The following BICDL1 variants were observed in gnomAD, a reference collection of about 807,000 sequenced individuals.
BICDL1 encodes the protein BICD family-like cargo adapter 1.
In BICDL1, 20 loss-of-function variants were observed where a neutral mutation model predicts 76.8. That is an observed-to-expected ratio of 0.26 (90% confidence interval 0.18 to 0.38). The LOEUF is 0.38. Ranked by LOEUF, BICDL1 falls within the 10% of genes least tolerant of loss-of-function variation. The probability of loss-of-function intolerance (pLI) is 1.00; values close to 1 mark genes in which losing one functional copy is unlikely to be tolerated. For synonymous variants in BICDL1, 383 were observed against 337.1 expected (o/e 1.14, Z -1.49); for missense variants, 700 against 798.6 (o/e 0.88, Z 1.49).
intron 2 of BICDL1, among the ~76,000 whole-genome samples, chr12:120,053,069 C>T (rs1373697871): frequency 6.6e-6 from 1 of 152,010 alleles, no homozygotes; most frequent in Non-Finnish European, 1.5e-5. Context: ...CGTGAGCTAC[C>T]ACAGCCAGCC....
chr12:120,051,054 C>T (rs1006035067), intron 2 of BICDL1, among the ~76,000 whole-genome samples: 2 of 151,576 alleles, frequency 1.3e-5, no homozygotes, highest in Non-Finnish European at 2.9e-5. Flanking sequence ...TCCCCCGAGA[C>T]AGAGTCTTGC....
chr12:120,091,490 A>G, intron 9 of BICDL1: 1 of 992,398 alleles, frequency 1.0e-6, no homozygotes, highest in Non-Finnish European at 1.2e-6. Flanking sequence ...CACTGTGCCA[A>G]GGATCATATA....
chr12:120,018,877 C>G (rs1051281817), intron 2 of BICDL1: 22 of 151,960 alleles, frequency 1.4e-4, no homozygotes, highest in African/African-American at 5.3e-4. Flanking sequence ...AACACCGTCT[C>G]TACTAAAAAT....
Position 120,071,776 on chromosome 12 carries a change from AGGAGCT to A in BICDL1, c.1070_1075del (p.Leu357_Glu358del). On this transcript the variant is annotated inframe_deletion, in exon 5 of 10. Coordinates refer to ENST00000548673, the MANE Select transcript of BICDL1 (RefSeq NM_001367886.1). This position sits in a 1 kb window ranked among gnomAD's most constrained non-coding sequence, Gnocchi z 4.8. The stretch of plus-strand genomic sequence containing the variant: ...GAGATCGAGCAGAGCATGGAGGCTG[AGGAGCT>A]GGAGCAGGAGCGAGAGCAGGTGCTG... 2 of 1,610,042 alleles carry A rather than the reference AGGAGCT, an allele frequency of 1.2e-6. No homozygotes were observed. The highest frequency in any genetic ancestry group is 3.3e-5 in the Admixed American group (2 of 59,720).
chr12:120,037,323 G>A (rs913048087), intron 2 of BICDL1, among the ~76,000 whole-genome samples: 2 of 152,106 alleles, frequency 1.3e-5, no homozygotes, highest in East Asian at 3.8e-4. Flanking sequence ...GAGGAGACAC[G>A]TTATTTGGAA....
At chr12:119,995,100 A>G (rs1216646561) in intron 1 of BICDL1, among the ~76,000 whole-genome samples, 1 of 152,152 alleles carries the variant, frequency 6.6e-6, no homozygotes, top group African/African-American at 2.4e-5. Context: ...TGACCTTGAC[A>G]ATTTTGATAT....
chr12:120,001,698 A>G (rs990022679), intron 2 of BICDL1, among the ~76,000 whole-genome samples: 2 of 152,164 alleles, frequency 1.3e-5, no homozygotes, highest in African/African-American at 4.8e-5. Flanking sequence ...TCTTCTCTTT[A>G]TTAATAACAG....
At chr12:120,076,808 A>G (rs950531344) in intron 7 of BICDL1, among the ~76,000 whole-genome samples, 3 of 152,244 alleles carry the variant, frequency 2.0e-5, no homozygotes, top group Non-Finnish European at 2.9e-5. Flanking sequence ...TAGGGTGCAG[A>G]TTGAGTCCCA....
At chr12:119,999,538 G>A (rs1013545486) in intron 2 of BICDL1, among the ~76,000 whole-genome samples, 8 of 152,160 alleles carry the variant, frequency 5.3e-5, no homozygotes, top group African/African-American at 9.7e-5. Context: ...ATGTGTATCT[G>A]TATTGAAAAT....
At chr12:120,010,432 TTGTTCTGTTTATC>T (rs1379491020) in intron 2 of BICDL1, among the ~76,000 whole-genome samples, 1 of 152,358 alleles carries the variant, frequency 6.6e-6, no homozygotes, top group Non-Finnish European at 1.5e-5. Flanking sequence ...AAAGATTACT[TTGTTCTGTTTATC>T]TGTTCTGTTT....
chr12:119,989,859 C>T lies in BICDL1; in HGVS notation c.-10C>T. On this transcript the variant is annotated 5_prime_UTR_variant, in exon 1 of 10. Transcript: ENST00000548673. ...GGGCCGCACCGCTGCGGGCTCCGCG[C>T]GCGCGGGCCATGTCCGCTTTCTGCC... 1 of 1,341,288 alleles carries T rather than the reference C, an allele frequency of 7.5e-7. No individual in the cohort carries two copies. The highest frequency in any genetic ancestry group is 9.5e-7 in the Non-Finnish European group (1 of 1,057,732). 83.1% of individuals were successfully genotyped at this position (1,341,288 alleles called of 1,614,324 possible).
Position 120,028,562 on chromosome 12 carries a change from G to A in BICDL1, c.645+29826G>A, listed in dbSNP as rs113924491. ...GTGGTGGCAGGCGCCTGTAATCCTA[G>A]CCACTCTGGAGGCTGAGGCAGGAGA... On this transcript the variant is annotated intron_variant, in intron 2 of 9. Transcript: ENST00000548673. 1.5e-4 allele frequency among the ~76,000 whole-genome samples: 23 copies of A among 152,214 alleles called. 2 individuals carry two copies. Among genetic ancestry groups the A allele is most frequent in the African/African-American group, 4.6e-4 (19 of 41,480 alleles).
rs901921313 is a variant in BICDL1, at chr12:120,092,823, T to TGC, written c.1705-174_1705-173dup. 6.6e-5 allele frequency: 65 copies of TGC among 985,304 alleles called. 1 individual carries two copies. Among genetic ancestry groups the TGC allele is most frequent in the Non-Finnish European group, 4.8e-5 (40 of 829,922 alleles). The allele number at this position is 985,304 out of a possible 1,614,324, so 61.0% of individuals were successfully genotyped here. ...CTGGAGGTGCCATACGGCTCCTGCG[T>TGC]GCGCCTGGTGTCTTGCCCACGCTCA... is the stretch of plus-strand genomic sequence containing the variant. On this transcript the variant is annotated intron_variant, in intron 9 of 9. Coordinates refer to ENST00000548673, the MANE Select transcript of BICDL1 (RefSeq NM_001367886.1).
At chr12:120,091,576 G>A (rs1874972312) in intron 9 of BICDL1, 1 of 984,992 alleles carries the variant, frequency 1.0e-6, no homozygotes. Context: ...AAGTGGAAAA[G>A]GGGATGGAAG....
chr12:120,008,280 TCC>T lies in BICDL1; in HGVS notation c.645+9546_645+9547del, dbSNP rs1487508380. On this transcript the variant is annotated intron_variant, in intron 2 of 9. Coordinates refer to ENST00000548673, the MANE Select transcript of BICDL1 (RefSeq NM_001367886.1). Reference sequence around the variant, plus strand: ...ATCAGGTGATCCTCCCACCTCAGCCTCCCAGGTGGCTGGGACTACAGCTGTAA... The same window carrying T: ...ATCAGGTGATCCTCCCACCTCAGCCTCAGGTGGCTGGGACTACAGCTGTAA... Among the ~76,000 whole-genome samples, 5 of 144,212 alleles carry T rather than the reference TCC, an allele frequency of 3.5e-5. No individual in the cohort carries two copies. The East Asian group carries it at 6.8e-4, about 20-fold the overall frequency. The allele number at this position is 144,212 out of a possible 152,430, so 94.6% of individuals were successfully genotyped here.
chr12:120,091,185 G>A (rs1335222994), intron 9 of BICDL1: 14 of 1,199,392 alleles, frequency 1.2e-5, no homozygotes, highest in East Asian at 5.8e-5. Flanking sequence ...TCACAGTCGC[G>A]TCCAGTGAGC....
chr12:119,992,356 G>A (rs1192438406), intron 1 of BICDL1: 1 of 152,122 alleles, frequency 6.6e-6, no homozygotes, highest in Admixed American at 6.6e-5. Flanking sequence ...TAGAATGTCT[G>A]TTTAGACAAT....
chr12:120,029,610 A>G (rs984270415), intron 2 of BICDL1, among the ~76,000 whole-genome samples: 1 of 152,202 alleles, frequency 6.6e-6, no homozygotes, highest in Admixed American at 6.5e-5. Flanking sequence ...TCTTAGCAGT[A>G]AAGAAATCTG....
At chr12:120,057,120 A>T (rs1462146910) in intron 2 of BICDL1, 3 of 521,282 alleles carry the variant, frequency 5.8e-6, no homozygotes, top group African/African-American at 1.9e-5. Context: ...TATTTAGAGG[A>T]CATTATCATG....
Sources: allele counts gnomAD v4.1 joint callset (sites outside exome capture counted in the v4.1 genomes callset), GRCh38; gene constraint gnomAD v4.1.1; non-coding constraint Gnocchi (gnomAD v3.1); transcripts MANE v1.5; gene names NCBI Gene and HGNC (gene_info 2026-07-23, HGNC 2026-07-21).